The following RAB3GAP2 variants were observed in gnomAD, a reference collection of about 807,000 sequenced individuals.
The protein encoded by RAB3GAP2 is RAB3 GTPase activating non-catalytic protein subunit 2.
RAB3GAP2 carries 87 observed loss-of-function variants against 185.3 expected under a neutral mutation model. That is an observed-to-expected ratio of 0.47 (90% CI 0.39 to 0.56). The LOEUF (loss-of-function observed/expected upper bound fraction) is 0.56, where lower values mean the gene tolerates loss of function less well. RAB3GAP2 is among the 20% of genes least tolerant of loss of function. The pLI, the probability that RAB3GAP2 is intolerant of heterozygous loss-of-function variation, is 0.00. For synonymous variants in RAB3GAP2, 554 were observed against 576.1 expected (o/e 0.96, Z 0.55); for missense variants, 1,492 against 1,638.2 (o/e 0.91, Z 1.54).
chr1:220,162,372 G>T, intron 27 of RAB3GAP2, 104 bp from the exon 28 acceptor site: 1 of 756,740 alleles, frequency 1.3e-6, no homozygotes, highest in Non-Finnish European at 2.2e-6. Context: ...AGACTATTTT[G>T]ATTTCATTTT....
At chr1:220,217,533 T>C (rs538005702) in intron 2 of RAB3GAP2, among the ~76,000 whole-genome samples, 2 of 152,272 alleles carry the variant, frequency 1.3e-5, no homozygotes, top group South Asian at 2.1e-4. Flanking sequence ...TACTACTCCC[T>C]GCTACCTGTT....
At chr1:220,225,409 G>T (rs1659386219) in intron 2 of RAB3GAP2, among the ~76,000 whole-genome samples, 1 of 152,132 alleles carries the variant, frequency 6.6e-6, no homozygotes, top group Non-Finnish European at 1.5e-5. Flanking sequence ...AGAGCCATGG[G>T]CTAAATAAAC....
chr1:220,174,361 T>C (rs187106848), intron 21 of RAB3GAP2, among the ~76,000 whole-genome samples: 1 of 152,296 alleles, frequency 6.6e-6, no homozygotes, highest in East Asian at 1.9e-4. Context: ...GCTCCCTTTT[T>C]ACCTCATCCC....
At chr1:220,175,654 A>C (rs1265730126) in intron 21 of RAB3GAP2, among the ~76,000 whole-genome samples, 1 of 152,254 alleles carries the variant, frequency 6.6e-6, no homozygotes, top group Non-Finnish European at 1.5e-5. Context: ...GCAGCCAAAA[A>C]AATTAAATGC....
intron 1 of RAB3GAP2, among the ~76,000 whole-genome samples, chr1:220,248,314 C>T (rs76987069): frequency 0.028 from 4,187 of 152,232 alleles, 94 homozygotes; most frequent in Non-Finnish European, 0.038. Flanking sequence ...GCTGATAATA[C>T]TGTACTGTGT....
chr1:220,220,982 T>G (rs1659295280), intron 2 of RAB3GAP2, among the ~76,000 whole-genome samples: 1 of 152,194 alleles, frequency 6.6e-6, no homozygotes. Flanking sequence ...CACCCTGGCT[T>G]CTTCTGAGGG....
At chr1:220,236,883 A>G (rs1366001669) in intron 1 of RAB3GAP2, among the ~76,000 whole-genome samples, 1 of 152,156 alleles carries the variant, frequency 6.6e-6, no homozygotes, top group Admixed American at 6.5e-5. Flanking sequence ...CATAACTTTG[A>G]GAACTATGTA....
At chr1:220,184,420 T>C (rs890128252) in intron 18 of RAB3GAP2, among the ~76,000 whole-genome samples, 1 of 152,156 alleles carries the variant, frequency 6.6e-6, no homozygotes, top group African/African-American at 2.4e-5. Flanking sequence ...CTTCATCTAA[T>C]ACTTAAAATT....
chr1:220,226,913 C>T (rs991140408), intron 2 of RAB3GAP2, among the ~76,000 whole-genome samples: 1 of 152,068 alleles, frequency 6.6e-6, no homozygotes, highest in Non-Finnish European at 1.5e-5. Context: ...GAGGAAGAGA[C>T]ACCAGAACTC....
chr1:220,230,241 C>G (rs1478364979), intron 2 of RAB3GAP2, among the ~76,000 whole-genome samples: 1 of 152,156 alleles, frequency 6.6e-6, no homozygotes, highest in East Asian at 1.9e-4. Flanking sequence ...TCCACAGACT[C>G]AGTAAAATCT....
At chr1:220,262,371 G>C (rs781758345) in intron 1 of RAB3GAP2, among the ~76,000 whole-genome samples, 4 of 151,998 alleles carry the variant, frequency 2.6e-5, no homozygotes, top group Non-Finnish European at 5.9e-5. Flanking sequence ...TTTCTAAGTG[G>C]ACAGTTCAGT....
chr1:220,227,228 G>C (rs1376972269), intron 2 of RAB3GAP2, among the ~76,000 whole-genome samples: 1 of 152,194 alleles, frequency 6.6e-6, no homozygotes, highest in East Asian at 1.9e-4. Flanking sequence ...CAGTGTCATA[G>C]ATGTACACTT....
At chr1:220,254,510 C>T in intron 1 of RAB3GAP2, 1 of 1,613,470 alleles carries the variant, frequency 6.2e-7, no homozygotes, top group Non-Finnish European at 8.5e-7. Context: ...TATGAAGTGG[C>T]TCCTCCTGAG....
chr1:220,241,323 T>C (rs1302551580), intron 1 of RAB3GAP2, among the ~76,000 whole-genome samples: 1 of 152,064 alleles, frequency 6.6e-6, no homozygotes, highest in African/African-American at 2.4e-5. Flanking sequence ...GTATGTCAAG[T>C]TCAAATACTA....
chr1:220,238,527 A>G (rs973697196), intron 1 of RAB3GAP2, among the ~76,000 whole-genome samples: 7 of 152,190 alleles, frequency 4.6e-5, no homozygotes, highest in Admixed American at 1.3e-4. Flanking sequence ...AACTGCACCT[A>G]TCTCACAGAG....
At chr1:220,259,920 G>A (rs1273443566) in intron 1 of RAB3GAP2, among the ~76,000 whole-genome samples, 1 of 152,036 alleles carries the variant, frequency 6.6e-6, no homozygotes. Context: ...ATTATAAACT[G>A]GGCAAAGGAT....
intron 17 of RAB3GAP2, among the ~76,000 whole-genome samples, chr1:220,186,881 GA>G (rs1362410691): frequency 6.6e-6 from 1 of 152,168 alleles, no homozygotes; most frequent in Non-Finnish European, 1.5e-5. Flanking sequence ...TGTGGGTTAT[GA>G]CCCTTTCTAC....
chr1:220,157,990 T>C, intron 29 of RAB3GAP2, 114 bp from the exon 30 acceptor site: 1 of 791,790 alleles, frequency 1.3e-6, no homozygotes, highest in East Asian at 2.7e-5. Flanking sequence ...CCACACTGAA[T>C]AGACAGGCAA....
chr1:220,183,947 T>G (rs1415710879), intron 19 of RAB3GAP2, 89 bp downstream of exon 19: 1 of 1,180,086 alleles, frequency 8.5e-7, no homozygotes, highest in Non-Finnish European at 1.2e-6. Context: ...AAAAAAATTC[T>G]TAATTTTCTA....
Sources: allele counts gnomAD v4.1 joint callset (sites outside exome capture counted in the v4.1 genomes callset), GRCh38; gene constraint gnomAD v4.1.1; transcripts MANE v1.5; gene names NCBI Gene and HGNC (gene_info 2026-07-23, HGNC 2026-07-21).